SCUBE2: variants seen among roughly 807,000 people sequenced by gnomAD.
The protein encoded by SCUBE2 is signal peptide, CUB and EGF-like domain-containing protein 2.
Under a neutral mutation model 125.9 loss-of-function variants are expected in SCUBE2, and 114 were observed. The observed-to-expected ratio is 0.91, with a 90% CI of 0.78 to 1.06. SCUBE2 has a LOEUF of 1.06. SCUBE2 is among the 50% of genes least tolerant of loss of function. The pLI is 0.00. For synonymous variants in SCUBE2, 459 were observed against 492.9 expected, an observed-to-expected ratio of 0.93 and a Z score of 0.91; for missense variants, 1,255 against 1,301.8, an observed-to-expected ratio of 0.96 and a Z score of 0.55.
At chr11:9,070,408 A>C (rs145411746) in intron 4 of SCUBE2, among the ~76,000 whole-genome samples, 14 of 152,312 alleles carry the variant, frequency 9.2e-5, no homozygotes, top group Non-Finnish European at 1.2e-4. Context: ...CCTGCTGCCT[A>C]CCAGCATCCT....
At chr11:9,056,289 A>G (rs971270950) in intron 9 of SCUBE2, among the ~76,000 whole-genome samples, 2 of 152,240 alleles carry the variant, frequency 1.3e-5, no homozygotes, top group Non-Finnish European at 2.9e-5. Context: ...TCATATAACT[A>G]TTAGTAAAAC....
chr11:9,033,549 G>A, intron 17 of SCUBE2, 77 bp downstream of exon 17: 2 of 1,514,650 alleles, frequency 1.3e-6, no homozygotes, highest in Admixed American at 1.9e-5. Flanking sequence ...GCATTGTCTG[G>A]AGTCCTTGAG....
intron 17 of SCUBE2, among the ~76,000 whole-genome samples, chr11:9,031,870 T>C (rs1213661492): frequency 8.6e-6 from 1 of 116,332 alleles, no homozygotes; most frequent in African/African-American, 2.5e-5. Flanking sequence ...TTTTCCCCCA[T>C]AAGTTATAGA....
At chr11:9,044,013 GA>G (rs1857474909) in intron 16 of SCUBE2, among the ~76,000 whole-genome samples, 2 of 152,258 alleles carry the variant, frequency 1.3e-5, no homozygotes, top group South Asian at 4.1e-4. Context: ...CTATCCTTCA[GA>G]AATATTGGCC....
chr11:9,064,068 G>A (rs1859952587), intron 7 of SCUBE2, among the ~76,000 whole-genome samples: 2 of 152,090 alleles, frequency 1.3e-5, no homozygotes. Context: ...ATAGGGAGAG[G>A]TCAGGTGTGT....
intron 7 of SCUBE2, among the ~76,000 whole-genome samples, chr11:9,063,756 C>T (rs1859912369): frequency 6.6e-6 from 1 of 152,208 alleles, no homozygotes; most frequent in African/African-American, 2.4e-5. Flanking sequence ...GAGAGACATG[C>T]ACTCAGCCAA....
chr11:9,070,267 T>C lies in SCUBE2; in HGVS notation c.518-772A>G, dbSNP rs1471822198. On this transcript the variant is annotated intron_variant, in intron 4 of 22. Coordinates refer to ENST00000649792, the MANE Select transcript of SCUBE2 (RefSeq NM_001367977.2). ...GATTAGGCTTAACCTTGTAGTATGA[T>C]GGTGGGAAGGGGAACAGCTGCTTCT... Among the ~76,000 whole-genome samples, 5 of 152,184 alleles carry C rather than the reference T, an allele frequency of 3.3e-5. No individual in the cohort carries two copies. In the East Asian group the frequency reaches 7.7e-4, roughly 24 times the overall value.
At chr11:9,045,604 CAGACAG>C (rs1285075345) in intron 16 of SCUBE2, among the ~76,000 whole-genome samples, 2,137 of 77,124 alleles carry the variant, frequency 0.028, 27 homozygotes, top group African/African-American at 0.051. Flanking sequence ...AGAAGACAGA[CAGACAG>C]ACACACACAC....
rs1491160291 is a variant in SCUBE2, at chr11:9,054,699, G to GTATATATATATATATATATA, written c.1208-941_1208-940insTATATATATATATATATATA. Among the ~76,000 whole-genome samples, 91 of 44,696 alleles carry GTATATATATATATATATATA rather than the reference G, an allele frequency of 2.0e-3. 14 individuals are homozygous for GTATATATATATATATATATA. The highest frequency in any genetic ancestry group is 7.0e-3 in the East Asian group (6 of 860). The allele number at this position is 44,696 out of a possible 152,430, so 29.3% of individuals were successfully genotyped here. ...GATAACTGTCAGTAGCAAAGCACTA[G>GTATATATATATATATATATA]TGTATATATATATATATATATATAT... On this transcript the variant is annotated intron_variant, in intron 10 of 22. Transcript: ENST00000649792.
intron 2 of SCUBE2, among the ~76,000 whole-genome samples, chr11:9,082,850 G>A (rs925423828): frequency 6.6e-6 from 1 of 152,168 alleles, no homozygotes; most frequent in Admixed American, 6.5e-5. Context: ...ACAAGAACAC[G>A]GGGAATCTTA....
chr11:9,022,499 G>C (rs1169760728), intron 21 of SCUBE2: 1 of 153,946 alleles, frequency 6.5e-6, no homozygotes, highest in Non-Finnish European at 1.4e-5. Context: ...CTTAAACCCA[G>C]TCCAATCAGC....
Position 9,059,362 on chromosome 11 carries a change from C to G in SCUBE2, c.1031G>C (p.Ser344Thr). 1 of 1,614,212 alleles carries G rather than the reference C, an allele frequency of 6.2e-7. No homozygotes were observed. The highest frequency in any genetic ancestry group is 8.5e-7 in the Non-Finnish European group (1 of 1,180,034). Residue 344 changes from serine to threonine, a missense_variant, in exon 9 of 23, where the codon AGT becomes ACT. Around this residue, in one of 3 missense-constraint regions of SCUBE2, gnomAD observed 378 missense variants for 463.1 expected, o/e 0.82. Coordinates refer to ENST00000649792, the MANE Select transcript of SCUBE2 (RefSeq NM_001367977.2). ...CDHFCKNIVG[S>T]FDCGCKKGFK... is the part of the protein sequence containing the mutation. ...TCCTTTCTTGCAGCCGCAGTCAAAA[C>G]TGCCCACGATGTTTTTGCAGAAATG...
chr11:9,060,951 CA>C (rs1464799767), intron 7 of SCUBE2, among the ~76,000 whole-genome samples: 1 of 152,208 alleles, frequency 6.6e-6, no homozygotes, highest in East Asian at 1.9e-4. Flanking sequence ...AGTGGGTAAG[CA>C]TCGCCGCCCC....
intron 2 of SCUBE2, among the ~76,000 whole-genome samples, chr11:9,080,546 G>C (rs540146905): frequency 2.6e-5 from 4 of 151,952 alleles, no homozygotes; most frequent in Admixed American, 1.3e-4. Flanking sequence ...AGCTGCTTGG[G>C]AGGCTGAGGC....
At chr11:9,049,565 T>C (rs1194919093) in intron 14 of SCUBE2, among the ~76,000 whole-genome samples, 2 of 152,196 alleles carry the variant, frequency 1.3e-5, no homozygotes, top group Non-Finnish European at 2.9e-5. Context: ...TTTTAAGCAA[T>C]GGCCCCTCCC....
chr11:9,025,268 C>CAGA (rs1855626915), intron 21 of SCUBE2, among the ~76,000 whole-genome samples: 1 of 152,216 alleles, frequency 6.6e-6, no homozygotes, highest in Non-Finnish European at 1.5e-5. Context: ...CCACAATCAT[C>CAGA]AGAAGTTAAT....
chr11:9,047,828 G>A, intron 15 of SCUBE2, 115 bp downstream of exon 15: 1 of 1,269,212 alleles, frequency 7.9e-7, no homozygotes, highest in Non-Finnish European at 1.1e-6. Flanking sequence ...AAAAAAAACA[G>A]GAGATACTTC....
chr11:9,034,425 GA>G (rs1856584343), intron 16 of SCUBE2, among the ~76,000 whole-genome samples: 2 of 152,288 alleles, frequency 1.3e-5, no homozygotes, highest in South Asian at 2.1e-4. Context: ...AGGAATCATT[GA>G]AAGGACAGGA....
rs1167193927 is a variant in SCUBE2 at position 9,047,564 on chromosome 11, T to A, written c.1796-2A>T. 1 of 1,613,686 alleles carries A rather than the reference T, an allele frequency of 6.2e-7. No individual in the cohort carries two copies. The highest frequency in any genetic ancestry group is 1.1e-5 in the South Asian group (1 of 91,016). On this transcript the variant is annotated splice_acceptor_variant, in intron 15 of 22. Coordinates refer to ENST00000649792, the MANE Select transcript of SCUBE2 (RefSeq NM_001367977.2). LOFTEE classifies it high-confidence loss of function. ...CGATGCAGCTCAGGTCACAAGAAGC[T>A]ACAGAAACAAGAGGGACAGCAGTGC... is the stretch of plus-strand genomic sequence containing the variant.
Sources: allele counts gnomAD v4.1 joint callset (sites outside exome capture counted in the v4.1 genomes callset), GRCh38; gene constraint gnomAD v4.1.1; regional missense constraint gnomAD v4.1.1; transcripts MANE v1.5; gene names NCBI Gene and HGNC (gene_info 2026-07-23, HGNC 2026-07-21).